Variants in PLCZ1 observed in about 807,000 individuals in gnomAD.
The protein encoded by PLCZ1 is 1-phosphatidylinositol 4,5-bisphosphate phosphodiesterase zeta-1.
Under a neutral mutation model 76.8 loss-of-function variants are expected in PLCZ1, and 64 were observed. The ratio of observed to expected loss-of-function variants is 0.83; its 90% CI spans 0.68 to 1.03. PLCZ1 has a LOEUF of 1.03. PLCZ1 is among the 50% of genes least tolerant of loss of function. The probability of loss-of-function intolerance (pLI) is 0.00; values close to 1 mark genes in which losing one functional copy is unlikely to be tolerated. For synonymous variants in PLCZ1, 248 were observed against 230.8 expected, an observed-to-expected ratio of 1.07 and a Z score of -0.68; for missense variants, 751 against 713.7, an observed-to-expected ratio of 1.05 and a Z score of -0.60.
chr12:18,717,392 A>G (rs1355607336), intron 5 of PLCZ1, among the ~76,000 whole-genome samples: 3 of 152,194 alleles, frequency 2.0e-5, no homozygotes, highest in African/African-American at 7.2e-5. Flanking sequence ...AGCAATATTT[A>G]CTTGTATGTT....
intron 7 of PLCZ1, among the ~76,000 whole-genome samples, chr12:18,703,429 C>A (rs1956193713): frequency 6.6e-6 from 1 of 152,138 alleles, no homozygotes; most frequent in Non-Finnish European, 1.5e-5. Context: ...AAGTTCAGCC[C>A]TGGAAACTTA....
chr12:18,693,243 G>A (rs1013039669), intron 12 of PLCZ1: 15 of 1,552,806 alleles, frequency 9.7e-6, no homozygotes, highest in Admixed American at 5.0e-5. Context: ...CAACCACAAG[G>A]TGCATACCAT....
At chr12:18,699,648 G>T (rs2137236992) in intron 10 of PLCZ1, 146 bp downstream of exon 10, 1 of 823,578 alleles carries the variant, frequency 1.2e-6, no homozygotes, top group South Asian at 1.6e-5. Flanking sequence ...GAGACCTGAG[G>T]TATGTAACCC....
chr12:18,655,512 C>T, the PLCZ1 span, among the ~76,000 whole-genome samples: 1 of 152,122 alleles, frequency 6.6e-6, no homozygotes, highest in African/African-American at 2.4e-5. Flanking sequence ...CTACCCATTC[C>T]TTACATATGA....
At chr12:18,705,476 A>G (rs959395282) in intron 6 of PLCZ1, among the ~76,000 whole-genome samples, 161 bp from the exon 7 acceptor site, 2 of 152,204 alleles carry the variant, frequency 1.3e-5, no homozygotes, top group Non-Finnish European at 2.9e-5. Context: ...GTTTGGCAAA[A>G]CAGAGACCAT....
intron 5 of PLCZ1, among the ~76,000 whole-genome samples, chr12:18,718,375 A>T (rs1349404600): frequency 6.6e-6 from 1 of 152,036 alleles, no homozygotes; most frequent in East Asian, 1.9e-4. Context: ...GAATAAATCA[A>T]ATTATGACAC....
the PLCZ1 span, among the ~76,000 whole-genome samples, chr12:18,647,277 A>C: frequency 1.3e-5 from 2 of 152,008 alleles, no homozygotes; most frequent in Non-Finnish European, 2.9e-5. Context: ...GGGAACCATA[A>C]AGACTGGAGA....
the PLCZ1 span, among the ~76,000 whole-genome samples, chr12:18,673,887 T>G: frequency 2.6e-5 from 4 of 152,206 alleles, no homozygotes; most frequent in African/African-American, 9.6e-5. Context: ...CTCTTTCACA[T>G]GGCAGCTTGC....
At chr12:18,673,995 G>T in the PLCZ1 span, among the ~76,000 whole-genome samples, 1 of 152,152 alleles carries the variant, frequency 6.6e-6, no homozygotes, top group Non-Finnish European at 1.5e-5. Context: ...TATTCTATTG[G>T]ATAAAAGCAG....
chr12:18,675,352 A>G, the PLCZ1 span, among the ~76,000 whole-genome samples: 1 of 152,180 alleles, frequency 6.6e-6, no homozygotes, highest in South Asian at 2.1e-4. Context: ...AAGTCTAGGT[A>G]CATTGAGACT....
At chr12:18,710,995 A>C (rs1003548481) in intron 6 of PLCZ1, among the ~76,000 whole-genome samples, 1 of 152,194 alleles carries the variant, frequency 6.6e-6, no homozygotes, top group East Asian at 1.9e-4. Context: ...AGGGATCTAG[A>C]ACTAGAAATA....
chr12:18,711,888 T>C (rs1389523975), intron 6 of PLCZ1, among the ~76,000 whole-genome samples: 2 of 152,110 alleles, frequency 1.3e-5, no homozygotes, highest in African/African-American at 4.8e-5. Context: ...AGTGCCATAC[T>C]CTCAATGTTT....
intron 3 of PLCZ1, among the ~76,000 whole-genome samples, chr12:18,731,631 A>C (rs1959057067): frequency 6.6e-6 from 1 of 151,230 alleles, no homozygotes; most frequent in Non-Finnish European, 1.5e-5. Context: ...GGAGGGTAAA[A>C]TATCAGACCT....
the PLCZ1 span, among the ~76,000 whole-genome samples, chr12:18,646,959 G>T: frequency 6.6e-6 from 1 of 151,792 alleles, no homozygotes; most frequent in Non-Finnish European, 1.5e-5. Context: ...TGTATATACA[G>T]CATAATTACA....
chr12:18,705,122 A>G (rs748240057), intron 7 of PLCZ1, 44 bp downstream of exon 7: 2 of 1,604,026 alleles, frequency 1.2e-6, no homozygotes, highest in Admixed American at 1.7e-5. Context: ...ACATGTTTTC[A>G]TGGACTTTTT....
chr12:18,662,064 G>A, the PLCZ1 span, among the ~76,000 whole-genome samples: 5 of 152,062 alleles, frequency 3.3e-5, no homozygotes, highest in East Asian at 7.7e-4. Context: ...TATTAAGTAG[G>A]AACTAAATCT....
chr12:18,736,301 T>C lies in PLCZ1; in HGVS notation c.55A>G (p.Ile19Val). Residue 19 changes from isoleucine to valine, a missense_variant, in exon 3 of 15, where the codon ATT becomes GTT. Ile to Val is a conservative substitution (Grantham distance 29, BLOSUM62 3). Coordinates refer to ENST00000266505, the MANE Select transcript of PLCZ1 (RefSeq NM_033123.4). The stretch of plus-strand genomic sequence containing the variant: ...AACCTCTGAGTTTTTTCTAGGTTAA[T>C]TTTTCCACCTCTGAAGTCATCCTGA... ...KIQDDFRGGK[I>V]NLEKTQRLLE... 2 of 1,612,678 alleles carry C rather than the reference T, an allele frequency of 1.2e-6. No individual in the cohort carries two copies. The highest frequency in any genetic ancestry group is 1.1e-5 in the South Asian group (1 of 91,040).
intron 12 of PLCZ1, chr12:18,694,080 C>T (rs1402395626): frequency 4.1e-6 from 5 of 1,206,602 alleles, no homozygotes; most frequent in African/African-American, 1.5e-5. Flanking sequence ...GAAGACACCC[C>T]TGAGGGGCTG....
At chr12:18,732,556 T>C (rs1959113928) in intron 3 of PLCZ1, among the ~76,000 whole-genome samples, 1 of 152,162 alleles carries the variant, frequency 6.6e-6, no homozygotes. Context: ...TACTATGCTG[T>C]TCAGTAGCTC....
Sources: gnomAD v4.1 joint callset for allele counts (sites outside exome capture counted in the v4.1 genomes callset) on GRCh38, gnomAD v4.1.1 for gene constraint, MANE v1.5 for transcripts, NCBI Gene and HGNC (gene_info 2026-07-23, HGNC 2026-07-21) for gene names.